Variants in NTN1 observed in about 807,000 individuals in gnomAD.
The protein encoded by NTN1 is netrin-1.
Under a neutral mutation model 54.2 loss-of-function variants are expected in NTN1, and 11 were observed. The observed-to-expected ratio is 0.20, with a 90% CI of 0.13 to 0.34. The LOEUF (loss-of-function observed/expected upper bound fraction) is 0.34. Ranked by LOEUF, NTN1 falls within the 10% of genes least tolerant of loss-of-function variation. The pLI is 1.00. For synonymous variants in NTN1, 371 were observed against 382.0 expected (o/e 0.97, Z 0.33); for missense variants, 740 against 893.1 (o/e 0.83, Z 2.18).
At chr17:9,189,266 C>T (rs537241690) in intron 5 of NTN1, among the ~76,000 whole-genome samples, 2 of 152,232 alleles carry the variant, frequency 1.3e-5, no homozygotes, top group Non-Finnish European at 2.9e-5. Context: ...CCCTAGCAAG[C>T]AGCATCACTG....
chr17:9,153,643 G>A (rs1006691327), intron 2 of NTN1, among the ~76,000 whole-genome samples: 1 of 152,214 alleles, frequency 6.6e-6, no homozygotes, highest in East Asian at 1.9e-4. Flanking sequence ...AGAGCAGAAT[G>A]CAGCAACGTC....
Position 9,022,345 on chromosome 17 carries a change from C to G in NTN1, c.-29C>G. 7.8e-7 allele frequency: 1 copy of G among 1,275,242 alleles called. No individual in the cohort carries two copies. The highest frequency in any genetic ancestry group is 9.8e-7 in the Non-Finnish European group (1 of 1,016,644). The allele number at this position is 1,275,242 out of a possible 1,614,324, so 79.0% of individuals were successfully genotyped here. A position where few individuals can be genotyped will look rare whatever the true frequency, so the allele number is the denominator to read the frequency against. On this transcript the variant is annotated 5_prime_UTR_variant, in exon 2 of 7. Transcript: ENST00000173229. ...GCGGCAGGCGGACAGATCCTCGGCG[C>G]GGCAGGGCCGGGGCAAGCTGGACGC...
At chr17:9,112,074 C>G (rs1030701431) in intron 2 of NTN1, among the ~76,000 whole-genome samples, 4 of 152,200 alleles carry the variant, frequency 2.6e-5, no homozygotes, top group African/African-American at 7.2e-5. Flanking sequence ...AAGGAAGATG[C>G]CTCTTGGGTG....
At position 9,117,212 on chromosome 17, in the gene NTN1, A is replaced by C. The variant is rs986882087; in HGVS notation, c.1019-45601A>C. On this transcript the variant is annotated intron_variant, in intron 2 of 6. Coordinates refer to ENST00000173229, the MANE Select transcript of NTN1 (RefSeq NM_004822.3). ...CGAGAGACAGGGCAGGGAGGCAGAG[A>C]GGACATAAAGCAGATTGGCATTGGC... 3.3e-5 allele frequency among the ~76,000 whole-genome samples: 5 copies of C among 152,140 alleles called. No homozygotes were observed. The South Asian group carries it at 1.0e-3, about 31-fold the overall frequency.
intron 3 of NTN1, 101 bp downstream of exon 3, chr17:9,163,102 A>G (rs2092362801): frequency 8.1e-7 from 1 of 1,235,780 alleles, no homozygotes. Flanking sequence ...CAGTCTGTAC[A>G]AATTGGCGTT....
At chr17:9,009,782 T>C in the NTN1 span, among the ~76,000 whole-genome samples, 2 of 152,172 alleles carry the variant, frequency 1.3e-5, no homozygotes, top group African/African-American at 4.8e-5. Context: ...ATCATGACTT[T>C]TTTCCCCCGC....
intron 2 of NTN1, among the ~76,000 whole-genome samples, chr17:9,100,174 G>A (rs1567710428): frequency 2.9e-5 from 3 of 104,978 alleles, no homozygotes; most frequent in East Asian, 2.2e-3. Context: ...TATATGCTAT[G>A]TGTATATGTG....
intron 2 of NTN1, among the ~76,000 whole-genome samples, chr17:9,039,401 A>G (rs902309742): frequency 1.3e-5 from 2 of 152,222 alleles, no homozygotes; most frequent in Admixed American, 6.5e-5. Flanking sequence ...AATGTACCCA[A>G]TAGGGCTTTT....
intron 2 of NTN1, among the ~76,000 whole-genome samples, chr17:9,160,600 G>C (rs2092354496): frequency 2.0e-5 from 3 of 152,216 alleles, no homozygotes; most frequent in Non-Finnish European, 2.9e-5. Flanking sequence ...GTGGTTGGTA[G>C]AAATAGGAGT....
chr17:9,164,401 G>C (rs546414966), intron 3 of NTN1, among the ~76,000 whole-genome samples: 4 of 151,798 alleles, frequency 2.6e-5, no homozygotes, highest in African/African-American at 9.7e-5. Flanking sequence ...CTCCAGCCTG[G>C]GTGACAGAGC....
intron 3 of NTN1, among the ~76,000 whole-genome samples, chr17:9,168,532 CAAA>C (rs58496626): frequency 5.1e-5 from 7 of 137,080 alleles, no homozygotes; most frequent in Non-Finnish European, 4.8e-5. Flanking sequence ...AACGCCGTCT[CAAA>C]AAAAAAAAAA....
chr17:9,228,607 T>C (rs907021071), intron 6 of NTN1, among the ~76,000 whole-genome samples: 3 of 152,232 alleles, frequency 2.0e-5, no homozygotes, highest in Admixed American at 6.5e-5. Flanking sequence ...CTTCTGCCAG[T>C]TCTTGGAAAA....
chr17:9,232,915 C>T (rs1200097805), intron 6 of NTN1, among the ~76,000 whole-genome samples: 2 of 152,144 alleles, frequency 1.3e-5, no homozygotes, highest in East Asian at 1.9e-4. Context: ...GCTCGTGACA[C>T]GCTTTCCACA....
chr17:9,169,474 C>G (rs1371466441), intron 3 of NTN1, among the ~76,000 whole-genome samples: 3 of 152,218 alleles, frequency 2.0e-5, no homozygotes, highest in Non-Finnish European at 2.9e-5. Flanking sequence ...TGTGCTCATT[C>G]CCTGGACACC....
chr17:9,216,742 A>G (rs947989213), intron 5 of NTN1, among the ~76,000 whole-genome samples: 1 of 152,154 alleles, frequency 6.6e-6, no homozygotes, highest in African/African-American at 2.4e-5. Context: ...GCAATGATTT[A>G]GATAGAAATA....
intron 4 of NTN1, 75 bp downstream of exon 4, chr17:9,180,031 T>G: frequency 6.7e-7 from 1 of 1,486,662 alleles, no homozygotes; most frequent in East Asian, 2.4e-5. Context: ...TGCTAGTCAC[T>G]GATGTTCAGT....
chr17:9,220,292 T>C (rs1905302193), intron 5 of NTN1, among the ~76,000 whole-genome samples: 1 of 152,252 alleles, frequency 6.6e-6, no homozygotes, highest in Admixed American at 6.5e-5. Flanking sequence ...AGATCCTGCC[T>C]GCTGAGTGCT....
rs2092371199 is a variant in NTN1, at chr17:9,165,644, A to G, written c.1207+2643A>G. Among the ~76,000 whole-genome samples, 1 of 152,188 alleles carries G rather than the reference A, an allele frequency of 6.6e-6. No individual in the cohort carries two copies. Among genetic ancestry groups the G allele is most frequent in the African/African-American group, 2.4e-5 (1 of 41,450 alleles). On this transcript the variant is annotated intron_variant, in intron 3 of 6. Transcript: ENST00000173229. This position sits in a 1 kb window ranked among gnomAD's most constrained non-coding sequence, Gnocchi z 4.5. Reference sequence around the variant, plus strand: ...TTCTACTGAAGAAATGTGGCAGGAAAGGGTGGGACTCTTAGTGCCTGTTGA... The same window carrying G: ...TTCTACTGAAGAAATGTGGCAGGAAGGGGTGGGACTCTTAGTGCCTGTTGA...
chr17:9,043,826 C>A (rs529696435), intron 2 of NTN1, among the ~76,000 whole-genome samples: 1 of 151,934 alleles, frequency 6.6e-6, no homozygotes, highest in African/African-American at 2.4e-5. Flanking sequence ...GTGATCCACC[C>A]GCCTCGGCTT....
Sources: gnomAD v4.1 joint callset for allele counts (sites outside exome capture counted in the v4.1 genomes callset) on GRCh38, gnomAD v4.1.1 for gene constraint, Gnocchi (gnomAD v3.1) non-coding constraint, MANE v1.5 for transcripts, NCBI Gene and HGNC (gene_info 2026-07-23, HGNC 2026-07-21) for gene names.